CFAP61: variants seen among roughly 807,000 people sequenced by gnomAD.
CFAP61 encodes cilia- and flagella-associated protein 61.
A neutral mutation model predicts 135.6 loss-of-function variants in CFAP61; 107 were observed. The observed-to-expected ratio is 0.79, with a 90% CI of 0.67 to 0.93. CFAP61 has a LOEUF of 0.93. Among genes scored for constraint, CFAP61 ranks in the 40% least tolerant of loss-of-function variants. The probability of loss-of-function intolerance (pLI) is 0.00; values close to 1 mark genes in which losing one functional copy is unlikely to be tolerated. For synonymous variants in CFAP61, 575 were observed against 578.5 expected (o/e 0.99, Z 0.09); for missense variants, 1,507 against 1,556.2 (o/e 0.97, Z 0.53).
intron 16 of CFAP61, among the ~76,000 whole-genome samples, chr20:20,199,118 C>A (rs1324209687): frequency 1.3e-5 from 2 of 152,178 alleles, no homozygotes; most frequent in South Asian, 4.1e-4. Flanking sequence ...TATCATAGTT[C>A]ATTTCAATAA....
intron 13 of CFAP61, among the ~76,000 whole-genome samples, chr20:20,175,715 TAG>T (rs1203410315): frequency 6.6e-6 from 1 of 151,452 alleles, no homozygotes; most frequent in African/African-American, 2.4e-5. Flanking sequence ...TTATTTTTAG[TAG>T]AGACAGGGTT....
intron 14 of CFAP61, among the ~76,000 whole-genome samples, chr20:20,190,701 T>C (rs2055861421): frequency 6.6e-6 from 1 of 152,164 alleles, no homozygotes; most frequent in Non-Finnish European, 1.5e-5. Flanking sequence ...ACAAGAAATT[T>C]CTGTTTTATT....
At chr20:20,144,569 A>G (rs1020331935) in intron 9 of CFAP61, among the ~76,000 whole-genome samples, 2 of 151,994 alleles carry the variant, frequency 1.3e-5, no homozygotes, top group South Asian at 2.1e-4. Context: ...ATATATGTGT[A>G]ATAGAAGTCC....
At chr20:20,158,155 T>A (rs2053096358) in intron 9 of CFAP61, among the ~76,000 whole-genome samples, 1 of 100,362 alleles carries the variant, frequency 1.0e-5, no homozygotes, top group African/African-American at 3.2e-5. Context: ...GACGAGTTAG[T>A]GGGTGCAGCG....
At chr20:20,264,021 ATAATT>A (rs1333298878) in intron 21 of CFAP61, among the ~76,000 whole-genome samples, 1 of 152,222 alleles carries the variant, frequency 6.6e-6, no homozygotes, top group Non-Finnish European at 1.5e-5. Context: ...AAAATTAAAT[ATAATT>A]TATTCTGATT....
chr20:20,109,791 T>C (rs2048671143), intron 8 of CFAP61, among the ~76,000 whole-genome samples: 1 of 152,202 alleles, frequency 6.6e-6, no homozygotes, highest in Non-Finnish European at 1.5e-5. Flanking sequence ...ATCTATCAAG[T>C]CTATGGGTTT....
intron 13 of CFAP61, among the ~76,000 whole-genome samples, chr20:20,179,857 A>G (rs1200639360): frequency 6.6e-6 from 1 of 152,202 alleles, no homozygotes; most frequent in Non-Finnish European, 1.5e-5. Flanking sequence ...CCTTACTTAC[A>G]CCATATACAA....
At chr20:20,343,594 T>C (rs1161200295) in intron 26 of CFAP61, among the ~76,000 whole-genome samples, 1 of 152,050 alleles carries the variant, frequency 6.6e-6, no homozygotes, top group African/African-American at 2.4e-5. Context: ...TGAACCCGAG[T>C]TGTAAGGCTG....
chr20:20,072,274 C>T (rs886426794), intron 3 of CFAP61, among the ~76,000 whole-genome samples: 10 of 151,634 alleles, frequency 6.6e-5, no homozygotes, highest in Admixed American at 2.0e-4. Flanking sequence ...GCCACCACGC[C>T]CGGCTAATTT....
chr20:20,339,079 G>A (rs2058342708), intron 25 of CFAP61, among the ~76,000 whole-genome samples: 1 of 152,082 alleles, frequency 6.6e-6, no homozygotes, highest in African/African-American at 2.4e-5. Flanking sequence ...AATGATTTTT[G>A]TGGCATTGAT....
chr20:20,056,554 A>G, intron 1 of CFAP61, 64 bp from the exon 2 acceptor site: 1 of 1,127,050 alleles, frequency 8.9e-7, no homozygotes, highest in Admixed American at 2.0e-5. Context: ...CCACATGGAA[A>G]TTGAATTAGT....
At chr20:20,222,143 T>A (rs1222046678) in intron 17 of CFAP61, 1 of 152,188 alleles carries the variant, frequency 6.6e-6, no homozygotes, top group Non-Finnish European at 1.5e-5. Context: ...GTAAAATCCC[T>A]CAACTTAGCT....
chr20:20,234,150 C>T (rs1428479346), intron 18 of CFAP61, among the ~76,000 whole-genome samples: 1 of 152,176 alleles, frequency 6.6e-6, no homozygotes, highest in Non-Finnish European at 1.5e-5. Flanking sequence ...TAGGGAACTG[C>T]CTGAGAGCAG....
At chr20:20,138,491 G>T (rs1450363804) in intron 8 of CFAP61, among the ~76,000 whole-genome samples, 1 of 150,866 alleles carries the variant, frequency 6.6e-6, no homozygotes, top group Non-Finnish European at 1.5e-5. Context: ...TGACAGCACT[G>T]CATTCCATTG....
At chr20:20,317,133 C>T (rs2057185018) in intron 25 of CFAP61, 1 of 152,322 alleles carries the variant, frequency 6.6e-6, no homozygotes, top group Non-Finnish European at 1.5e-5. Context: ...TGCCTCCTCC[C>T]AAAGTGCTGG....
At chr20:20,351,157 GGT>G (rs1569325142) in intron 26 of CFAP61, among the ~76,000 whole-genome samples, 4 of 151,448 alleles carry the variant, frequency 2.6e-5, no homozygotes, top group Non-Finnish European at 5.9e-5. Flanking sequence ...GAAAGGAAGA[GGT>G]GAAATTGTCT....
At chr20:20,061,158 A>G (rs552580569) in intron 2 of CFAP61, among the ~76,000 whole-genome samples, 4 of 152,338 alleles carry the variant, frequency 2.6e-5, no homozygotes, top group African/African-American at 9.6e-5. Context: ...TCATTAAAAG[A>G]ACAGGTGTAG....
chr20:20,290,172 C>T (rs59405436), intron 23 of CFAP61, 128 bp from the exon 24 acceptor site: 10 of 673,586 alleles, frequency 1.5e-5, no homozygotes, highest in Non-Finnish European at 2.4e-5. Flanking sequence ...GTTAGTGGTA[C>T]TTTAGTGTGA....
At chr20:20,348,546 C>A (rs184991805) in intron 26 of CFAP61, among the ~76,000 whole-genome samples, 2 of 151,788 alleles carry the variant, frequency 1.3e-5, no homozygotes, top group Admixed American at 1.3e-4. Flanking sequence ...AAAAATTAGC[C>A]AAGCATGGTA....
Sources: allele counts gnomAD v4.1 joint callset (sites outside exome capture counted in the v4.1 genomes callset), GRCh38; gene constraint gnomAD v4.1.1; transcripts MANE v1.5; gene names NCBI Gene and HGNC (gene_info 2026-07-23, HGNC 2026-07-21).